The following TAFA5 variants were observed in gnomAD, a reference collection of about 807,000 sequenced individuals.
TAFA5 encodes TAFA chemokine like family member 5.
In TAFA5, 6 loss-of-function variants were observed where a neutral mutation model predicts 15.3. That is an observed-to-expected ratio of 0.39 (90% CI 0.21 to 0.77). TAFA5 has a LOEUF of 0.77. Among genes scored for constraint, TAFA5 ranks in the 30% least tolerant of loss-of-function variants. The pLI is 0.41. For synonymous variants in TAFA5, 103 were observed against 80.7 expected, an observed-to-expected ratio of 1.28 and a Z score of -1.48; for missense variants, 161 against 193.1, an observed-to-expected ratio of 0.83 and a Z score of 0.98.
chr22:48,633,648 G>C, intron 1 of TAFA5, among the ~76,000 whole-genome samples: 1 of 152,008 alleles, frequency 6.6e-6, no homozygotes, highest in Admixed American at 6.6e-5. Flanking sequence ...AGCCAAGAAG[G>C]GAGGCTTCTC....
At chr22:48,615,080 C>T (rs1925549142) in intron 1 of TAFA5, among the ~76,000 whole-genome samples, 1 of 152,176 alleles carries the variant, frequency 6.6e-6, no homozygotes, top group South Asian at 2.1e-4. Flanking sequence ...TACTCGCTTA[C>T]AAAGCCTCCG....
chr22:48,592,578 C>T (rs920593075), intron 1 of TAFA5, among the ~76,000 whole-genome samples: 2 of 152,300 alleles, frequency 1.3e-5, no homozygotes, highest in East Asian at 1.9e-4. Context: ...CGGGCACTGT[C>T]GTTTCTCTTT....
intron 2 of TAFA5, among the ~76,000 whole-genome samples, chr22:48,701,005 A>G (rs1928888675): frequency 1.3e-5 from 2 of 152,086 alleles, no homozygotes. Flanking sequence ...GGAGGAGAGG[A>G]TGGGAAGAGC....
At chr22:48,615,246 G>T (rs1394002975) in intron 1 of TAFA5, among the ~76,000 whole-genome samples, 1 of 152,170 alleles carries the variant, frequency 6.6e-6, no homozygotes, top group Non-Finnish European at 1.5e-5. Context: ...GCACGAATCT[G>T]CAGCCCCTGC....
chr22:48,724,856 A>G (rs1171146680), intron 3 of TAFA5, among the ~76,000 whole-genome samples: 1 of 152,162 alleles, frequency 6.6e-6, no homozygotes, highest in East Asian at 1.9e-4. Context: ...TCCTGCAGAG[A>G]CTCAGCTCCC....
rs548365078 is a variant in TAFA5, at chr22:48,606,008, A to T, written c.113-40589A>T. 3.9e-5 allele frequency among the ~76,000 whole-genome samples: 6 copies of T among 152,288 alleles called. No individual in the cohort carries two copies. The East Asian group carries it at 1.2e-3, about 29-fold the overall frequency. Reference sequence around the variant, plus strand: ...GGTGGCTGGAGGAGGCAGCAGTGGGAGATGACTCAGCCTGGTGAGCCTGAT... The same window carrying T: ...GGTGGCTGGAGGAGGCAGCAGTGGGTGATGACTCAGCCTGGTGAGCCTGAT... On this transcript the variant is annotated intron_variant, in intron 1 of 3. Transcript: ENST00000402357.
At chr22:48,608,492 G>C (rs572772509) in intron 1 of TAFA5, among the ~76,000 whole-genome samples, 3 of 152,020 alleles carry the variant, frequency 2.0e-5, no homozygotes, top group Admixed American at 1.3e-4. Flanking sequence ...TTGGGGCCAC[G>C]TGGATTGGTG....
chr22:48,577,154 C>G (rs1461346361), intron 1 of TAFA5, among the ~76,000 whole-genome samples: 1 of 152,256 alleles, frequency 6.6e-6, no homozygotes, highest in Non-Finnish European at 1.5e-5. Flanking sequence ...TGCCCCTGCT[C>G]TCTTGGTCTT....
intron 1 of TAFA5, among the ~76,000 whole-genome samples, chr22:48,528,768 G>A (rs932256186): frequency 6.6e-6 from 1 of 152,188 alleles, no homozygotes; most frequent in African/African-American, 2.4e-5. Flanking sequence ...CCGGTGGGCG[G>A]GGCCCCACTC....
chr22:48,580,658 G>A (rs545677188), intron 1 of TAFA5, among the ~76,000 whole-genome samples: 51 of 152,292 alleles, frequency 3.3e-4, no homozygotes, highest in East Asian at 9.6e-4. Context: ...CACTGCACGC[G>A]GTGTGTGTGG....
At chr22:48,562,865 G>A (rs555776655) in intron 1 of TAFA5, among the ~76,000 whole-genome samples, 2 of 152,142 alleles carry the variant, frequency 1.3e-5, no homozygotes, top group Non-Finnish European at 2.9e-5. Flanking sequence ...CAAACCACAC[G>A]GGGCCCCACT....
intron 1 of TAFA5, among the ~76,000 whole-genome samples, chr22:48,516,950 T>G (rs1300016630): frequency 1.3e-5 from 2 of 152,214 alleles, no homozygotes. Context: ...ATGTATTTAT[T>G]TTTCGCATAG....
In TAFA5 at chr22:48,604,036, G is replaced by A. The variant is rs544285037; in HGVS notation, c.113-42561G>A. ...TTAGTTTTGATAATCCAGGTACCCC[G>A]TGGACAGCACTGGACTGTGTGTGTC... On this transcript the variant is annotated intron_variant, in intron 1 of 3. Transcript: ENST00000402357. Among the ~76,000 whole-genome samples, 115 of 152,300 alleles carry A rather than the reference G, an allele frequency of 7.6e-4. No individual in the cohort carries two copies. The Middle Eastern group carries it at 0.014, about 18-fold the overall frequency.
At position 48,642,840 on chromosome 22, in the gene TAFA5, G is replaced by A. The variant is rs117087619; in HGVS notation, c.113-3757G>A. On this transcript the variant is annotated intron_variant, in intron 1 of 3. Transcript: ENST00000402357. ...GTGTGTGGTGTGTGTGCATGCACAC[G>A]TGTGTGTGAGTCCTGTGTGGTACAC... 2.1e-3 allele frequency among the ~76,000 whole-genome samples: 324 copies of A among 152,268 alleles called. 7 individuals are homozygous for A. In the East Asian group the frequency reaches 0.052, roughly 25 times the overall value.
chr22:48,621,197 TATCCACCCAGCC>T (rs1925824461), intron 1 of TAFA5, among the ~76,000 whole-genome samples: 1 of 59,716 alleles, frequency 1.7e-5, no homozygotes, highest in Non-Finnish European at 2.9e-5. Flanking sequence ...CCACCCACAC[TATCCACCCAGCC>T]ATCCACCCAA....
intron 1 of TAFA5, among the ~76,000 whole-genome samples, chr22:48,526,266 C>T (rs994427349): frequency 8.5e-5 from 13 of 152,246 alleles, no homozygotes. Flanking sequence ...TGGGACTATG[C>T]CATCTGTGTC....
At chr22:48,722,561 G>A (rs534105784) in intron 3 of TAFA5, among the ~76,000 whole-genome samples, 2 of 152,254 alleles carry the variant, frequency 1.3e-5, no homozygotes, top group South Asian at 4.1e-4. Context: ...CTGTCGGGGT[G>A]GGGGGCTAGG....
chr22:48,501,942 C>T lies in TAFA5; in HGVS notation c.112+12238C>T, dbSNP rs1436203153. Among the ~76,000 whole-genome samples the T allele has an allele frequency of 8.5e-5, 13 of 152,204 alleles. No individual in the cohort carries two copies. In the East Asian group the frequency reaches 1.5e-3, roughly 18 times the overall value. On this transcript the variant is annotated intron_variant, in intron 1 of 3. Transcript: ENST00000402357. ...GATGGGGTGTGCGGTCACTTCAGGG[C>T]ACCCCATCCATTCCGCCCCATGCCG...
intron 1 of TAFA5, among the ~76,000 whole-genome samples, chr22:48,602,884 C>T (rs1039881111): frequency 1.3e-5 from 2 of 152,150 alleles, no homozygotes; most frequent in South Asian, 2.1e-4. Context: ...TTGAGACGTG[C>T]GGGGCTGGAG....
Sources: gnomAD v4.1 joint callset for allele counts (sites outside exome capture counted in the v4.1 genomes callset) on GRCh38, gnomAD v4.1.1 for gene constraint, MANE v1.5 for transcripts, NCBI Gene and HGNC (gene_info 2026-07-23, HGNC 2026-07-21) for gene names.